The following MMP26 variants were observed in gnomAD, a reference collection of about 807,000 sequenced individuals.
The protein encoded by MMP26 is matrix metallopeptidase 26, also known as matrix metalloproteinase-26.
MMP26 carries 33 observed loss-of-function variants against 31.0 expected under a neutral mutation model. The observed-to-expected ratio is 1.06, with a 90% CI of 0.81 to 1.42. MMP26 has a LOEUF of 1.42. Among genes scored for constraint, MMP26 ranks in the 40% most tolerant of loss-of-function variants. The pLI, the probability that MMP26 is intolerant of heterozygous loss-of-function variation, is 0.00. For missense variants in MMP26, 347 were observed against 316.1 expected (o/e 1.10, Z -0.74); for synonymous variants, 122 against 114.9 (o/e 1.06, Z -0.40).
At chr11:4,817,174 A>G (rs368202983) in intron 2 of MMP26, among the ~76,000 whole-genome samples, 29 of 152,266 alleles carry the variant, frequency 1.9e-4, no homozygotes, top group African/African-American at 7.0e-4. Context: ...ATTTTTATAT[A>G]TGGCCTAGGA....
intron 2 of MMP26, chr11:4,821,398 T>C: frequency 1.2e-6 from 2 of 1,613,156 alleles, no homozygotes; most frequent in Non-Finnish European, 1.7e-6. Context: ...GACTGAAACA[T>C]CCCTGTCTTC....
At chr11:4,755,561 A>G (rs1018999097) in intron 1 of MMP26, among the ~76,000 whole-genome samples, 1 of 152,086 alleles carries the variant, frequency 6.6e-6, no homozygotes, top group Non-Finnish European at 1.5e-5. Flanking sequence ...TGGCACTGGT[A>G]GAGATACATT....
chr11:4,832,918 G>T (rs957515201), intron 2 of MMP26: 14 of 189,394 alleles, frequency 7.4e-5, no homozygotes, highest in Middle Eastern at 2.1e-3. Context: ...GCTACCATGC[G>T]TCGCTTTGCT....
At chr11:4,852,030 T>G (rs1185913014) in intron 2 of MMP26, among the ~76,000 whole-genome samples, 1 of 152,074 alleles carries the variant, frequency 6.6e-6, no homozygotes, top group Non-Finnish European at 1.5e-5. Context: ...AAGTTATAAC[T>G]ATATTCTGTA....
At chr11:4,934,752 A>T (rs1047652468) in intron 2 of MMP26, among the ~76,000 whole-genome samples, 1 of 149,338 alleles carries the variant, frequency 6.7e-6, no homozygotes, top group Non-Finnish European at 1.5e-5. Context: ...TGATTTTTGT[A>T]TAAGGTGTAT....
chr11:4,919,734 A>AT (rs1392104277), intron 2 of MMP26, among the ~76,000 whole-genome samples: 6 of 152,264 alleles, frequency 3.9e-5, no homozygotes, highest in African/African-American at 9.6e-5. Flanking sequence ...TTAAAAAGGG[A>AT]TTTTTTTAAA....
At chr11:4,754,470 C>T (rs35372992) in intron 1 of MMP26, among the ~76,000 whole-genome samples, 423 of 151,928 alleles carry the variant, frequency 2.8e-3, no homozygotes, top group Non-Finnish European at 4.6e-3. Context: ...ATAGTAAATA[C>T]TTAAGATAAT....
At chr11:4,792,282 G>T (rs1461986598) in intron 2 of MMP26, among the ~76,000 whole-genome samples, 1 of 151,908 alleles carries the variant, frequency 6.6e-6, no homozygotes, top group Non-Finnish European at 1.5e-5. Context: ...AGCAAATAAT[G>T]ATAATTATGG....
intron 1 of MMP26, among the ~76,000 whole-genome samples, chr11:4,705,868 G>A (rs1847768851): frequency 6.6e-6 from 1 of 151,258 alleles, no homozygotes; most frequent in Non-Finnish European, 1.5e-5. Flanking sequence ...TGTACCTGTA[G>A]TCCTAGCTAC....
intron 2 of MMP26, among the ~76,000 whole-genome samples, chr11:4,912,153 G>A (rs1851001092): frequency 6.6e-6 from 1 of 152,136 alleles, no homozygotes; most frequent in Non-Finnish European, 1.5e-5. Context: ...AAAAGAACAT[G>A]CTAAGAATTA....
At chr11:4,861,475 ATATATATG>A (rs938974168) in intron 2 of MMP26, among the ~76,000 whole-genome samples, 8 of 151,526 alleles carry the variant, frequency 5.3e-5, no homozygotes, top group African/African-American at 9.7e-5. Flanking sequence ...GTGTGTGTGT[ATATATATG>A]TATATATGTA....
intron 2 of MMP26, chr11:4,769,795 G>A (rs756307692): frequency 6.2e-6 from 10 of 1,613,272 alleles, no homozygotes; most frequent in Non-Finnish European, 6.8e-6. Context: ...TGTTCCCAGA[G>A]AGGGCAATGG....
At chr11:4,799,597 A>C (rs1332348062) in intron 2 of MMP26, among the ~76,000 whole-genome samples, 1 of 152,140 alleles carries the variant, frequency 6.6e-6, no homozygotes, top group Admixed American at 6.6e-5. Flanking sequence ...TGTCCTTCTC[A>C]CGTTGCAAAA....
intron 2 of MMP26, among the ~76,000 whole-genome samples, chr11:4,961,282 G>C (rs903222663): frequency 6.6e-6 from 1 of 152,172 alleles, no homozygotes; most frequent in Non-Finnish European, 1.5e-5. Flanking sequence ...GGGAGCAGTA[G>C]AAAAGTCTGT....
At chr11:4,941,013 C>T (rs12795973) in intron 2 of MMP26, among the ~76,000 whole-genome samples, 25,475 of 151,920 alleles carry the variant, frequency 0.17, 2,249 homozygotes, top group South Asian at 0.19. Flanking sequence ...CTTTTGTTCT[C>T]TTTCTGTTGG....
At chr11:4,957,734 G>A (rs1846463956) in intron 2 of MMP26, among the ~76,000 whole-genome samples, 1 of 151,496 alleles carries the variant, frequency 6.6e-6, no homozygotes, top group South Asian at 2.1e-4. Flanking sequence ...CCAGGTTGGA[G>A]TGCAGTGGAT....
At chr11:4,946,219 A>T in intron 2 of MMP26, 1 of 1,614,070 alleles carries the variant, frequency 6.2e-7, no homozygotes, top group Non-Finnish European at 8.5e-7. Flanking sequence ...TAGTTTTTAC[A>T]CAATAAACAA....
intron 2 of MMP26, among the ~76,000 whole-genome samples, chr11:4,828,833 G>A (rs1234240498): frequency 6.6e-6 from 1 of 152,114 alleles, no homozygotes; most frequent in Non-Finnish European, 1.5e-5. Flanking sequence ...AGGCCTTCAT[G>A]GTTATTTTGT....
intron 2 of MMP26, among the ~76,000 whole-genome samples, chr11:4,838,998 G>A (rs1378619913): frequency 6.6e-6 from 1 of 152,084 alleles, no homozygotes; most frequent in Non-Finnish European, 1.5e-5. Context: ...CTTGGAGAGG[G>A]GAGAGCAGAC....
Sources: gnomAD v4.1 joint callset for allele counts (sites outside exome capture counted in the v4.1 genomes callset) on GRCh38, gnomAD v4.1.1 for gene constraint, MANE v1.5 for transcripts, NCBI Gene and HGNC (gene_info 2026-07-23, HGNC 2026-07-21) for gene names.